Variants in SLIT3 observed in about 807,000 individuals in gnomAD.
SLIT3 encodes the protein slit homolog 3 protein.
SLIT3 carries 68 observed loss-of-function variants against 184.0 expected under a neutral mutation model. The ratio of observed to expected loss-of-function variants is 0.37; its 90% CI spans 0.30 to 0.45. The LOEUF (loss-of-function observed/expected upper bound fraction) is 0.45. Among genes scored for constraint, SLIT3 ranks in the 20% least tolerant of loss-of-function variants. The pLI, the probability that SLIT3 is intolerant of heterozygous loss-of-function variation, is 1.00. For missense variants in SLIT3, 1,707 were observed against 2,026.0 expected, an observed-to-expected ratio of 0.84 and a Z score of 3.02; for synonymous variants, 831 against 828.6, an observed-to-expected ratio of 1.00 and a Z score of -0.05.
intron 4 of SLIT3, among the ~76,000 whole-genome samples, chr5:169,178,691 C>T (rs1343515722): frequency 6.6e-6 from 1 of 152,096 alleles, no homozygotes; most frequent in Non-Finnish European, 1.5e-5. Flanking sequence ...TCCTTTCTTC[C>T]TTCCTCCCCT....
chr5:168,856,802 T>TGCGCGC (rs1395225143), intron 5 of SLIT3, among the ~76,000 whole-genome samples: 3 of 143,190 alleles, frequency 2.1e-5, no homozygotes, highest in Non-Finnish European at 3.0e-5. Flanking sequence ...TGTGTGTGTG[T>TGCGCGC]GTGTGCGCGC....
chr5:169,034,262 ATTTGCT>A (rs1187621761), intron 4 of SLIT3, among the ~76,000 whole-genome samples: 1 of 151,414 alleles, frequency 6.6e-6, no homozygotes, highest in Non-Finnish European at 1.5e-5. Flanking sequence ...GCTCTCATTT[ATTTGCT>A]TTTGCTTTTG....
intron 2 of SLIT3, among the ~76,000 whole-genome samples, chr5:169,246,074 T>C (rs1765577621): frequency 6.6e-6 from 1 of 152,222 alleles, no homozygotes; most frequent in Admixed American, 6.5e-5. Flanking sequence ...GATGATATTT[T>C]ACATTTTTGT....
At chr5:169,237,095 G>T (rs1329088989) in intron 3 of SLIT3, among the ~76,000 whole-genome samples, 4 of 152,134 alleles carry the variant, frequency 2.6e-5, no homozygotes, top group Admixed American at 2.6e-4. Flanking sequence ...GTTCTTCTGT[G>T]CAGTTCCTTT....
At chr5:168,915,525 T>C (rs548003603) in intron 4 of SLIT3, among the ~76,000 whole-genome samples, 1 of 152,356 alleles carries the variant, frequency 6.6e-6, no homozygotes, top group South Asian at 2.1e-4. Context: ...TTAATAGTTG[T>C]TATAAAACAG....
chr5:169,239,042 A>G (rs1561759168), intron 3 of SLIT3, among the ~76,000 whole-genome samples: 1 of 152,108 alleles, frequency 6.6e-6, no homozygotes, highest in Non-Finnish European at 1.5e-5. Context: ...GAAACCATCT[A>G]CTGGGGATTC....
chr5:168,713,262 T>A (rs1259632017), intron 23 of SLIT3, among the ~76,000 whole-genome samples: 2 of 152,214 alleles, frequency 1.3e-5, no homozygotes, highest in African/African-American at 4.8e-5. Context: ...GTATTAATCA[T>A]GCCTCTCTCC....
At position 169,300,046 on chromosome 5, in the gene SLIT3, G is replaced by C. The variant is rs977156772; in HGVS notation, c.197+467C>G. Among the ~76,000 whole-genome samples, 3 of 152,220 alleles carry C rather than the reference G, an allele frequency of 2.0e-5. No homozygotes were observed. The highest frequency in any genetic ancestry group is 4.4e-5 in the Non-Finnish European group (3 of 68,038). On this transcript the variant is annotated intron_variant, in intron 1 of 35. Transcript: ENST00000519560. The surrounding 1 kb of genome is among the most constrained non-coding windows in gnomAD (Gnocchi z 4.1). ...TTCCTTGCAAGGGCAGCCAGAGAGC[G>C]GCTGGCCCATTCTGATCTCCAAGCA...
chr5:168,871,859 A>G (rs1759534050), intron 5 of SLIT3, among the ~76,000 whole-genome samples: 1 of 152,232 alleles, frequency 6.6e-6, no homozygotes, highest in African/African-American at 2.4e-5. Context: ...TTAAGGTCAT[A>G]AAGGTGGTAA....
Position 169,300,677 on chromosome 5 carries a change from G to A in SLIT3, c.33C>T (p.Ala11=), listed in dbSNP as rs1211686203. The change falls in exon 1 of 36, where the codon GCC becomes GCT. Residue 11 remains alanine (A), a synonymous_variant. Transcript: ENST00000519560. This position sits in a 1 kb window ranked among gnomAD's most constrained non-coding sequence, Gnocchi z 4.1. MAPGWAGVGA[A]VRARLALALA... is the part of the protein sequence containing the mutation. ...AGGCCAGCGCCAGGCGGGCGCGCAC[G>A]GCGGCGCCGACCCCTGCCCACCCGG... The A allele has an allele frequency of 7.2e-6, 10 of 1,397,208 alleles. No homozygotes were observed. In the East Asian group the frequency reaches 2.4e-4, roughly 34 times the overall value. The allele number at this position is 1,397,208 out of a possible 1,614,324, so 86.6% of individuals were successfully genotyped here.
chr5:169,247,182 C>T (rs1765621796), intron 2 of SLIT3, among the ~76,000 whole-genome samples: 2 of 150,860 alleles, frequency 1.3e-5, no homozygotes, highest in Non-Finnish European at 2.9e-5. Flanking sequence ...CACCATTGCA[C>T]TCCAGCCTGG....
chr5:168,916,798 T>C (rs1761450018), intron 4 of SLIT3, among the ~76,000 whole-genome samples: 1 of 152,120 alleles, frequency 6.6e-6, no homozygotes, highest in Non-Finnish European at 1.5e-5. Context: ...CTTAAGGAGA[T>C]TCTTCTTCTT....
At chr5:169,138,610 T>C (rs1253061104) in intron 4 of SLIT3, among the ~76,000 whole-genome samples, 2 of 152,222 alleles carry the variant, frequency 1.3e-5, no homozygotes, top group African/African-American at 4.8e-5. Flanking sequence ...AAAATGCTTA[T>C]GTCAGAGCCT....
At chr5:169,175,010 TA>T (rs1762933140) in intron 4 of SLIT3, among the ~76,000 whole-genome samples, 1 of 152,258 alleles carries the variant, frequency 6.6e-6, no homozygotes, top group African/African-American at 2.4e-5. Context: ...ATGTTCATTT[TA>T]GATGGCAAAT....
chr5:169,080,558 C>T (rs752125910), intron 4 of SLIT3, among the ~76,000 whole-genome samples: 1 of 152,112 alleles, frequency 6.6e-6, no homozygotes, highest in Non-Finnish European at 1.5e-5. Flanking sequence ...TGTTCTAGGG[C>T]CTCCGAGGTG....
In SLIT3 at chr5:168,679,273, C is replaced by A. The variant is rs181674894; in HGVS notation, c.3686+4693G>T. On this transcript the variant is annotated intron_variant, in intron 32 of 35. Transcript: ENST00000519560. ...GAGTCTGAATATGTTGCCCAGGATACTCTCAAACTCCTGGGCTCAGGCGAT... is the reference window on the plus strand; with the variant it reads ...GAGTCTGAATATGTTGCCCAGGATAATCTCAAACTCCTGGGCTCAGGCGAT... Among the ~76,000 whole-genome samples the A allele has an allele frequency of 1.4e-3, 207 of 152,166 alleles. 2 individuals are homozygous for A. The highest frequency in any genetic ancestry group is 4.9e-3 in the African/African-American group (202 of 41,510).
chr5:169,098,528 C>A (rs969309160), intron 4 of SLIT3, among the ~76,000 whole-genome samples: 1 of 152,240 alleles, frequency 6.6e-6, no homozygotes, highest in Non-Finnish European at 1.5e-5. Flanking sequence ...CTATTCCACA[C>A]ATTGCATGAC....
intron 4 of SLIT3, among the ~76,000 whole-genome samples, chr5:168,887,845 A>G (rs1195167475): frequency 2.6e-5 from 4 of 152,194 alleles, no homozygotes; most frequent in African/African-American, 4.8e-5. Flanking sequence ...CTGGATTGAC[A>G]TTGCTGAAAA....
At chr5:169,105,065 T>C (rs1309137272) in intron 4 of SLIT3, among the ~76,000 whole-genome samples, 1 of 152,188 alleles carries the variant, frequency 6.6e-6, no homozygotes, top group East Asian at 1.9e-4. Context: ...TACCAAATCT[T>C]TCCATTTCCC....
Sources: allele counts gnomAD v4.1 joint callset (sites outside exome capture counted in the v4.1 genomes callset), GRCh38; gene constraint gnomAD v4.1.1; non-coding constraint Gnocchi (gnomAD v3.1); transcripts MANE v1.5; gene names NCBI Gene and HGNC (gene_info 2026-07-23, HGNC 2026-07-21).